Variants in RANBP3L observed in about 807,000 individuals in gnomAD.
RANBP3L encodes RAN binding protein 3 like.
A neutral mutation model predicts 67.2 loss-of-function variants in RANBP3L; 56 were observed. That is an observed-to-expected ratio of 0.83 (90% CI 0.67 to 1.04). The LOEUF (loss-of-function observed/expected upper bound fraction) is 1.04. Among genes scored for constraint, RANBP3L ranks in the 50% least tolerant of loss-of-function variants. The probability of loss-of-function intolerance (pLI) is 0.00; values close to 1 mark genes in which losing one functional copy is unlikely to be tolerated. For missense variants in RANBP3L, 496 were observed against 535.5 expected (o/e 0.93, Z 0.73); for synonymous variants, 164 against 181.4 (o/e 0.90, Z 0.77).
chr5:36,281,074 T>G (rs1276354502), intron 1 of RANBP3L, among the ~76,000 whole-genome samples: 1 of 152,202 alleles, frequency 6.6e-6, no homozygotes, highest in Non-Finnish European at 1.5e-5. Context: ...GAATGACTGC[T>G]AGGAACTAGA....
chr5:36,290,032 T>C (rs946178409), intron 1 of RANBP3L, among the ~76,000 whole-genome samples: 10 of 152,176 alleles, frequency 6.6e-5, no homozygotes, highest in African/African-American at 2.4e-4. Context: ...GTAAATGTTT[T>C]TCATCAGGTT....
chr5:36,300,671 T>C (rs1410127301), intron 1 of RANBP3L, among the ~76,000 whole-genome samples: 1 of 152,078 alleles, frequency 6.6e-6, no homozygotes, highest in Non-Finnish European at 1.5e-5. Flanking sequence ...ACAGGGTGGA[T>C]TGGAGGGATC....
chr5:36,262,038 G>T lies in RANBP3L; in HGVS notation c.485C>A (p.Ser162Tyr). 1 of 1,528,134 alleles carries T rather than the reference G, an allele frequency of 6.5e-7. No homozygotes were observed. The highest frequency in any genetic ancestry group is 9.0e-7 in the Non-Finnish European group (1 of 1,104,986). The allele number at this position is 1,528,134 out of a possible 1,614,324, so 94.7% of individuals were successfully genotyped here. A position where few individuals can be genotyped will look rare whatever the true frequency, so the allele number is the denominator to read the frequency against. Residue 162 changes from serine (S) to tyrosine (Y), a missense_variant, in exon 7 of 14, where the codon TCT (serine) becomes TAT (tyrosine). Ser to Tyr is a moderately radical substitution (Grantham distance 144). Coordinates refer to ENST00000296604, the MANE Select transcript of RANBP3L (RefSeq NM_145000.5). ...ACTTAACAAATAGGAATTTCCCTCA[G>T]AAATCTGAAAGTAAAGAAATCCATC... ...KTKEKTNNKI[S>Y]EGNSYLLSEN...
At chr5:36,257,677 T>G (rs76783647) in intron 8 of RANBP3L, 121 bp from the exon 9 acceptor site, 9,893 of 459,114 alleles carry the variant, frequency 0.022, 158 homozygotes, top group Middle Eastern at 0.037. Flanking sequence ...CTAGCTGGTA[T>G]GTTTTTGTTT....
intron 1 of RANBP3L, among the ~76,000 whole-genome samples, chr5:36,292,794 G>T (rs998900738): frequency 8.5e-5 from 13 of 152,274 alleles, no homozygotes; most frequent in East Asian, 3.9e-4. Context: ...TGCTGTTTTG[G>T]TTACTGTAGC....
Position 36,257,441 on chromosome 5 carries a change from A to G in RANBP3L, c.772+13T>C, listed in dbSNP as rs771527330. The G allele has an allele frequency of 2.3e-6, 3 of 1,322,282 alleles. No homozygotes were observed. Among genetic ancestry groups the G allele is most frequent in the Non-Finnish European group, 3.2e-6 (3 of 925,222 alleles). 81.9% of individuals were successfully genotyped at this position (1,322,282 alleles called of 1,614,324 possible). A position where few individuals can be genotyped will look rare whatever the true frequency, so the allele number is the denominator to read the frequency against. On this transcript the variant is annotated intron_variant, in intron 9 of 13. Transcript: ENST00000296604. ...AGGTGAATCTAATGTTTTACAAATGAAAGAATTCTTACTTGAACTTAAAAA... is the reference window on the plus strand; with the variant it reads ...AGGTGAATCTAATGTTTTACAAATGGAAGAATTCTTACTTGAACTTAAAAA...
intron 8 of RANBP3L, among the ~76,000 whole-genome samples, chr5:36,258,674 C>T (rs2111716715): frequency 6.6e-6 from 1 of 152,318 alleles, no homozygotes; most frequent in Non-Finnish European, 1.5e-5. Flanking sequence ...AAAATGCCCA[C>T]AGGAAATGTG....
At position 36,251,313 on chromosome 5, in the gene RANBP3L, C is replaced by G; in HGVS notation, c.1354G>C (p.Asp452His). The G allele has an allele frequency of 6.2e-7, 1 of 1,609,290 alleles. No individual in the cohort carries two copies. Among genetic ancestry groups the G allele is most frequent in the Non-Finnish European group, 8.5e-7 (1 of 1,177,222 alleles). ...DFIQVTKNGS[D>H]PSSWTHRQSV... ...AACTAACAAAACAAAAGCTATTTAC[C>G]TGATCCATTTTTAGTGACTTGGATG... Residue 452 changes from aspartate (D) to histidine (H), a missense_variant and splice_region_variant, in exon 13 of 14, where the codon GAT becomes CAT. Coordinates refer to ENST00000296604, the MANE Select transcript of RANBP3L (RefSeq NM_145000.5).
intron 1 of RANBP3L, among the ~76,000 whole-genome samples, chr5:36,291,643 T>C (rs1751782921): frequency 6.6e-6 from 1 of 151,660 alleles, no homozygotes; most frequent in African/African-American, 2.4e-5. Context: ...AGTGAGAATA[T>C]GTGGTGTTTG....
chr5:36,297,053 A>G (rs1350779992), intron 1 of RANBP3L, among the ~76,000 whole-genome samples: 1 of 152,136 alleles, frequency 6.6e-6, no homozygotes, highest in Non-Finnish European at 1.5e-5. Flanking sequence ...AAAATTTTGC[A>G]TATAACTTTT....
At chr5:36,299,812 T>C (rs1752492820) in intron 1 of RANBP3L, among the ~76,000 whole-genome samples, 1 of 152,196 alleles carries the variant, frequency 6.6e-6, no homozygotes, top group Non-Finnish European at 1.5e-5. Context: ...TAGAAGAATA[T>C]TTAATGACCT....
chr5:36,280,055 G>A (rs1180933867), intron 1 of RANBP3L, among the ~76,000 whole-genome samples: 1 of 152,066 alleles, frequency 6.6e-6, no homozygotes, highest in African/African-American at 2.4e-5. Context: ...CTCATTTTCT[G>A]AACACATCTG....
At chr5:36,290,578 A>G (rs953657455) in intron 1 of RANBP3L, among the ~76,000 whole-genome samples, 1 of 151,966 alleles carries the variant, frequency 6.6e-6, no homozygotes, top group Non-Finnish European at 1.5e-5. Context: ...ATTTTGAAAG[A>G]AGTAGCTTTG....
chr5:36,267,447 G>A (rs1383208327), intron 4 of RANBP3L, among the ~76,000 whole-genome samples: 2 of 151,914 alleles, frequency 1.3e-5, no homozygotes, highest in Non-Finnish European at 2.9e-5. Flanking sequence ...GGCAGAGGTT[G>A]CAGTAAGCTG....
intron 1 of RANBP3L, among the ~76,000 whole-genome samples, chr5:36,297,106 G>A (rs2112167214): frequency 6.6e-6 from 1 of 152,046 alleles, no homozygotes; most frequent in South Asian, 2.1e-4. Flanking sequence ...GAGGTGACCA[G>A]AATCCTTATC....
intron 1 of RANBP3L, among the ~76,000 whole-genome samples, chr5:36,288,463 T>G (rs906401161): frequency 1.3e-5 from 2 of 152,200 alleles, no homozygotes; most frequent in Non-Finnish European, 2.9e-5. Context: ...AAGGCTTTCG[T>G]GGATATATTT....
Position 36,291,972 on chromosome 5 carries a change from C to A in RANBP3L, c.91+9354G>T, listed in dbSNP as rs1447337767. The stretch of plus-strand genomic sequence containing the variant: ...CTAGTTCTAGATCCCTGAGGAATCG[C>A]CACACTGACTTCCACAATGGTTGAA... On this transcript the variant is annotated intron_variant, in intron 1 of 13. Transcript: ENST00000296604. Among the ~76,000 whole-genome samples the A allele has an allele frequency of 7.3e-3, 963 of 132,042 alleles. 11 individuals carry two copies. The highest frequency in any genetic ancestry group is 0.026 in the African/African-American group (890 of 34,276). The allele number at this position is 132,042 out of a possible 152,430, so 86.6% of individuals were successfully genotyped here.
At chr5:36,256,713 A>C in intron 10 of RANBP3L, 1 of 483,616 alleles carries the variant, frequency 2.1e-6, no homozygotes, top group Non-Finnish European at 3.6e-6. Flanking sequence ...GACTAATGTG[A>C]ATAGTTGTAA....
Position 36,253,718 on chromosome 5 carries a change from C to T in RANBP3L, c.1096G>A (p.Ala366Thr). 1.2e-6 allele frequency: 2 copies of T among 1,612,744 alleles called. No homozygotes were observed. Among genetic ancestry groups the T allele is most frequent in the Non-Finnish European group, 1.7e-6 (2 of 1,178,920 alleles). Residue 366 changes from alanine (A) to threonine (T), a missense_variant, in exon 12 of 14, where the codon GCA (alanine) becomes ACA (threonine). Coordinates refer to ENST00000296604, the MANE Select transcript of RANBP3L (RefSeq NM_145000.5). ...KLWAQMKIQR[A>T]NHKNVRITAT... ...GTTATTCGTACATTTTTGTGGTTTG[C>T]TCTTTGAATCTTCATTTGGGCCCAG...
Sources: allele counts gnomAD v4.1 joint callset (sites outside exome capture counted in the v4.1 genomes callset), GRCh38; gene constraint gnomAD v4.1.1; transcripts MANE v1.5; gene names NCBI Gene and HGNC (gene_info 2026-07-23, HGNC 2026-07-21).